Variants in WDR25 observed in about 807,000 individuals in gnomAD.
WDR25 encodes WD repeat-containing protein 25.
A neutral mutation model predicts 47.7 loss-of-function variants in WDR25; 35 were observed. That is an observed-to-expected ratio of 0.73 (90% confidence interval 0.56 to 0.97). The LOEUF is 0.97. Among genes scored for constraint, WDR25 ranks in the 50% least tolerant of loss-of-function variants. The pLI, the probability that WDR25 is intolerant of heterozygous loss-of-function variation, is 0.00. For synonymous variants in WDR25, 248 were observed against 278.9 expected (o/e 0.89, Z 1.10); for missense variants, 634 against 704.7 (o/e 0.90, Z 1.14).
In WDR25 at chr14:100,529,599, C is replaced by G. The variant is rs886357593; in HGVS notation, c.1414-221C>G. 2.8e-5 allele frequency: 17 copies of G among 612,074 alleles called. No homozygotes were observed. Among genetic ancestry groups the G allele is most frequent in the African/African-American group, 2.6e-4 (14 of 53,986 alleles). 37.9% of individuals were successfully genotyped at this position (612,074 alleles called of 1,614,324 possible). A position where few individuals can be genotyped will look rare whatever the true frequency, so the allele number is the denominator to read the frequency against. On this transcript the variant is annotated intron_variant, in intron 6 of 6. Transcript: ENST00000402312. The surrounding 1 kb of genome is among the most constrained non-coding windows in gnomAD (Gnocchi z 5.1). ...GCCAGACCCCTCAGCTGGGCTGGAG[C>G]TGGTCCCGCTGGATCTGCTGAACTG...
chr14:100,445,758 A>G (rs947694558), intron 2 of WDR25, among the ~76,000 whole-genome samples: 3 of 152,148 alleles, frequency 2.0e-5, no homozygotes, highest in Non-Finnish European at 2.9e-5. Flanking sequence ...GTGGGCACAG[A>G]ACGTGTTTGG....
chr14:100,473,727 AG>A (rs1445338247), intron 3 of WDR25, among the ~76,000 whole-genome samples: 2 of 152,196 alleles, frequency 1.3e-5, no homozygotes, highest in African/African-American at 4.8e-5. Context: ...GCTTTGGAGA[AG>A]GGGCCACAGA....
Position 100,500,421 on chromosome 14 carries a change from T to C in WDR25, c.1101+16297T>C, listed in dbSNP as rs1243328114. 7.3e-5 allele frequency among the ~76,000 whole-genome samples: 11 copies of C among 149,814 alleles called. No homozygotes were observed. Among genetic ancestry groups the C allele is most frequent in the Admixed American group, 6.7e-4 (10 of 15,036 alleles). ...GCTGTGGAGGGTGGAGAAGGAGGGG[T>C]GGGGATGGTCAGATGGAGGCATGCC... is the stretch of plus-strand genomic sequence containing the variant. On this transcript the variant is annotated intron_variant, in intron 4 of 6. Transcript: ENST00000402312. The surrounding 1 kb of genome is among the most constrained non-coding windows in gnomAD (Gnocchi z 4.7).
intron 4 of WDR25, among the ~76,000 whole-genome samples, chr14:100,497,454 G>GA (rs1221850342): frequency 1.3e-5 from 2 of 151,692 alleles, no homozygotes; most frequent in African/African-American, 4.8e-5. Flanking sequence ...AAAGCTGTTA[G>GA]AAAAAATAAG....
chr14:100,435,250 C>T (rs982857733), intron 2 of WDR25, among the ~76,000 whole-genome samples: 1 of 152,202 alleles, frequency 6.6e-6, no homozygotes. Flanking sequence ...CTTGCTCCTC[C>T]TGCTGGGGTT....
At chr14:100,426,069 A>G (rs1228566516) in intron 2 of WDR25, among the ~76,000 whole-genome samples, 1 of 152,178 alleles carries the variant, frequency 6.6e-6, no homozygotes, top group Non-Finnish European at 1.5e-5. Context: ...AAATTAATAG[A>G]TATGTCCTTT....
intron 2 of WDR25, among the ~76,000 whole-genome samples, chr14:100,386,018 G>T (rs889062151): frequency 1.3e-5 from 2 of 152,094 alleles, no homozygotes; most frequent in African/African-American, 2.4e-5. Context: ...TTCTGTACCT[G>T]TATGAAAACC....
chr14:100,433,830 C>T (rs1427317550), intron 2 of WDR25, among the ~76,000 whole-genome samples: 3 of 152,154 alleles, frequency 2.0e-5, no homozygotes, highest in Non-Finnish European at 4.4e-5. Flanking sequence ...CTTTTTGGCA[C>T]AGCAAGATAT....
chr14:100,485,104 T>C (rs192090662), intron 4 of WDR25, among the ~76,000 whole-genome samples: 116 of 152,266 alleles, frequency 7.6e-4, no homozygotes, highest in Non-Finnish European at 1.5e-3. Flanking sequence ...TACCAGCACA[T>C]TCCTGTCTCA....
intron 2 of WDR25, among the ~76,000 whole-genome samples, chr14:100,450,784 G>A (rs968547764): frequency 6.6e-6 from 1 of 152,214 alleles, no homozygotes; most frequent in Non-Finnish European, 1.5e-5. Flanking sequence ...CTTAGGATAA[G>A]AGAGTAGGAG....
chr14:100,499,077 A>G lies in WDR25; in HGVS notation c.1101+14953A>G, dbSNP rs1162118104. On this transcript the variant is annotated intron_variant, in intron 4 of 6. Transcript: ENST00000402312. This position sits in a 1 kb window ranked among gnomAD's most constrained non-coding sequence, Gnocchi z 4.4. ...GGTTGTTCTCTAGATGTTCGTTTTGATTAGAAAAGGAATACATGGTCTTTG... is the reference window on the plus strand; with the variant it reads ...GGTTGTTCTCTAGATGTTCGTTTTGGTTAGAAAAGGAATACATGGTCTTTG... Among the ~76,000 whole-genome samples the G allele has an allele frequency of 1.3e-5, 2 of 152,194 alleles. No individual in the cohort carries two copies. Among genetic ancestry groups the G allele is most frequent in the East Asian group, 3.8e-4 (2 of 5,196 alleles).
chr14:100,499,585 C>T lies in WDR25; in HGVS notation c.1101+15461C>T, dbSNP rs373579803. 1.6e-4 allele frequency among the ~76,000 whole-genome samples: 24 copies of T among 152,254 alleles called. No homozygotes were observed. The highest frequency in any genetic ancestry group is 3.4e-3 in the Middle Eastern group (1 of 294). On this transcript the variant is annotated intron_variant, in intron 4 of 6. Coordinates refer to ENST00000402312, the MANE Select transcript of WDR25 (RefSeq NM_001161476.3). This position sits in a 1 kb window ranked among gnomAD's most constrained non-coding sequence, Gnocchi z 4.4. ...GTAGGTGAGACTTATGCATGTTCAC[C>T]TGCATCCTGGAGGAAGGCACTGGTG...
intron 2 of WDR25, among the ~76,000 whole-genome samples, chr14:100,441,397 G>C (rs1030528148): frequency 2.6e-5 from 4 of 152,144 alleles, no homozygotes; most frequent in African/African-American, 9.7e-5. Context: ...GGGCAGGGAA[G>C]GCAGTGCAGG....
rs758984543 is a variant in WDR25 at position 100,484,103 on chromosome 14, T to C, written c.1080T>C (p.Ala360=). 10 of 1,613,472 alleles carry C rather than the reference T, an allele frequency of 6.2e-6. No individual in the cohort carries two copies. The Admixed American group carries it at 1.2e-4, about 19-fold the overall frequency. ...GAGGCTTCAGCTCTGAAATGAAAGC[T>C]TGGGATATAAGGACTGGCAAGGTAA... The part of the protein sequence containing the change: ...LCGGFSSEMK[A]WDIRTGKVMR... The change falls in exon 4 of 7, where the codon GCT becomes GCC. Residue 360 remains alanine (A), a synonymous_variant. Coordinates refer to ENST00000402312, the MANE Select transcript of WDR25 (RefSeq NM_001161476.3).
intron 2 of WDR25, among the ~76,000 whole-genome samples, chr14:100,431,583 G>T (rs1339567799): frequency 5.4e-5 from 8 of 148,700 alleles, no homozygotes; most frequent in African/African-American, 9.9e-5. Flanking sequence ...GTCTTGCTCT[G>T]TTGCCCAGGC....
intron 2 of WDR25, among the ~76,000 whole-genome samples, chr14:100,416,780 C>T (rs1283919132): frequency 6.6e-6 from 1 of 152,174 alleles, no homozygotes; most frequent in Non-Finnish European, 1.5e-5. Flanking sequence ...CCATCGTCCC[C>T]AGATGCCCAG....
intron 2 of WDR25, among the ~76,000 whole-genome samples, chr14:100,415,960 G>T (rs574887109): frequency 3.3e-4 from 50 of 152,270 alleles, no homozygotes; most frequent in Admixed American, 2.7e-3. Flanking sequence ...CTGCTCTGCC[G>T]CTGTCCTTCT....
At chr14:100,469,063 G>C (rs1185465302) in intron 3 of WDR25, among the ~76,000 whole-genome samples, 2 of 152,138 alleles carry the variant, frequency 1.3e-5, no homozygotes, top group African/African-American at 4.8e-5. Flanking sequence ...TCCACTGCCA[G>C]GAGCCCAGGG....
intron 2 of WDR25, among the ~76,000 whole-genome samples, chr14:100,405,799 G>A (rs915238081): frequency 6.6e-5 from 10 of 152,138 alleles, no homozygotes; most frequent in Admixed American, 5.2e-4. Flanking sequence ...GTTCTCTTTG[G>A]GGAAGGGCGG....
Sources: allele counts gnomAD v4.1 joint callset (sites outside exome capture counted in the v4.1 genomes callset), GRCh38; gene constraint gnomAD v4.1.1; non-coding constraint Gnocchi (gnomAD v3.1); transcripts MANE v1.5; gene names NCBI Gene and HGNC (gene_info 2026-07-23, HGNC 2026-07-21).